Variants in KMT2C observed in about 807,000 individuals in gnomAD.
KMT2C encodes histone-lysine N-methyltransferase 2C.
A neutral mutation model predicts 507.9 loss-of-function variants in KMT2C; 88 were observed. The ratio of observed to expected loss-of-function variants is 0.17; its 90% CI spans 0.15 to 0.21. The LOEUF is 0.21. Among genes scored for constraint, KMT2C ranks in the 10% least tolerant of loss-of-function variants. The pLI, the probability that KMT2C is intolerant of heterozygous loss-of-function variation, is 1.00. For missense variants in KMT2C, 4,954 were observed against 5,957.8 expected (o/e 0.83, Z 5.55); for synonymous variants, 2,049 against 2,080.8 (o/e 0.98, Z 0.42).
rs1458048583 is a variant in KMT2C, at chr7:152,367,184, C to CA, written c.162-8510dup. 6.0e-6 allele frequency: 9 copies of CA among 1,488,686 alleles called. No homozygotes were observed. The African/African-American group carries it at 9.8e-5, about 16-fold the overall frequency. The allele number at this position is 1,488,686 out of a possible 1,614,324, so 92.2% of individuals were successfully genotyped here. ...ATTCTTCCAAGGATGGTCTCCCACT[C>CA]AGAGCTGAGGAAGCTTTTCTACTCA... On this transcript the variant is annotated intron_variant, in intron 1 of 58. Coordinates refer to ENST00000262189, the MANE Select transcript of KMT2C (RefSeq NM_170606.3).
At chr7:152,322,361 C>CA (rs1383212375) in intron 3 of KMT2C, among the ~76,000 whole-genome samples, 3 of 151,750 alleles carry the variant, frequency 2.0e-5, no homozygotes, top group South Asian at 4.1e-4. Context: ...CACCCTGGCT[C>CA]AAAAAACAAG....
intron 13 of KMT2C, among the ~76,000 whole-genome samples, 179 bp downstream of exon 13, chr7:152,249,697 A>C (rs2095533366): frequency 1.3e-5 from 2 of 150,014 alleles, no homozygotes; most frequent in Non-Finnish European, 3.0e-5. Flanking sequence ...AAAAAAAAAA[A>C]AACCTTTCAA....
In KMT2C at chr7:152,435,648, G is replaced by C; in HGVS notation, c.139C>G (p.Pro47Ala). Residue 47 changes from proline (P) to alanine (A), a missense_variant, in exon 1 of 59, where the codon CCT (proline) becomes GCT (alanine). This residue lies in a region of KMT2C where 233 missense variants were observed against 263.6 expected (regional missense o/e 0.88). Transcript: ENST00000262189. ...RGRPRKDGAS[P>A]FQRARKKPRS... ...TACTTCTTTCTGGCTCTCTGGAAAG[G>C]GGAAGCGCCATCTTTGCGAGGCCGG... 3 of 1,542,846 alleles carry C rather than the reference G, an allele frequency of 1.9e-6. No homozygotes were observed. Among genetic ancestry groups the C allele is most frequent in the East Asian group, 2.6e-5 (1 of 38,800 alleles).
chr7:152,230,624 T>C (rs1033018984), intron 16 of KMT2C, among the ~76,000 whole-genome samples: 2 of 152,186 alleles, frequency 1.3e-5, no homozygotes, highest in African/African-American at 2.4e-5. Context: ...AATGATAATA[T>C]ATGTATGTAC....
chr7:152,337,662 C>G (rs1589278757), intron 2 of KMT2C, among the ~76,000 whole-genome samples: 1 of 151,892 alleles, frequency 6.6e-6, no homozygotes, highest in Admixed American at 6.6e-5. Context: ...TTACTTTGCT[C>G]GTCATTTAAG....
intron 31 of KMT2C, among the ~76,000 whole-genome samples, chr7:152,189,244 T>A (rs1379662434): frequency 1.3e-5 from 2 of 152,198 alleles, no homozygotes; most frequent in African/African-American, 4.8e-5. Flanking sequence ...ACTGTCCATA[T>A]TGGAGCAGTT....
intron 1 of KMT2C, among the ~76,000 whole-genome samples, chr7:152,399,442 T>A (rs1047472294): frequency 8.6e-5 from 13 of 151,932 alleles, no homozygotes; most frequent in Non-Finnish European, 1.0e-4. Context: ...AACTGGAGTC[T>A]GGGAGAGAGG....
intron 1 of KMT2C, among the ~76,000 whole-genome samples, chr7:152,405,261 C>CTTTTTT (rs5888467): frequency 2.0e-5 from 3 of 151,978 alleles, no homozygotes; most frequent in African/African-American, 2.4e-5. Context: ...TTTAACTTCA[C>CTTTTTT]TTTTTTTTTT....
At chr7:152,323,701 G>A (rs1234237057) in intron 3 of KMT2C, among the ~76,000 whole-genome samples, 1 of 145,958 alleles carries the variant, frequency 6.9e-6, no homozygotes, top group African/African-American at 2.5e-5. Context: ...AAAGAAGGAA[G>A]GAAGGAAGGG....
intron 23 of KMT2C, chr7:152,220,165 C>G (rs963293483): frequency 8.9e-6 from 2 of 225,712 alleles, no homozygotes; most frequent in Non-Finnish European, 1.7e-5. Context: ...ATGTATGCAT[C>G]AACTACCTTA....
chr7:152,273,975 A>G (rs945656061), intron 6 of KMT2C, 108 bp from the exon 7 acceptor site: 1 of 1,003,514 alleles, frequency 1.0e-6, no homozygotes, highest in Non-Finnish European at 1.3e-6. Flanking sequence ...AGTAAAACAA[A>G]TTGAACCTGC....
chr7:152,226,039 T>C (rs981119598), intron 18 of KMT2C, among the ~76,000 whole-genome samples: 52 of 152,002 alleles, frequency 3.4e-4, no homozygotes, highest in Non-Finnish European at 4.9e-4. Context: ...AAGACCTAAA[T>C]CAGAATTTAT....
chr7:152,296,155 G>T (rs184887118), intron 6 of KMT2C, among the ~76,000 whole-genome samples: 2 of 151,768 alleles, frequency 1.3e-5, no homozygotes, highest in African/African-American at 4.8e-5. Context: ...GGGGCAGGGC[G>T]TGGTGGCTCA....
At chr7:152,288,412 T>A (rs2096346596) in intron 6 of KMT2C, among the ~76,000 whole-genome samples, 1 of 151,898 alleles carries the variant, frequency 6.6e-6, no homozygotes, top group African/African-American at 2.4e-5. Flanking sequence ...CACACACCTA[T>A]AATTCCAGCG....
intron 6 of KMT2C, among the ~76,000 whole-genome samples, chr7:152,299,550 G>A (rs759308856): frequency 3.3e-5 from 5 of 151,822 alleles, no homozygotes; most frequent in Non-Finnish European, 5.9e-5. Flanking sequence ...ACTATTGGGA[G>A]GCTGAGGTAG....
chr7:152,140,265 G>A (rs984402221), intron 55 of KMT2C, among the ~76,000 whole-genome samples: 1 of 152,186 alleles, frequency 6.6e-6, no homozygotes, highest in African/African-American at 2.4e-5. Flanking sequence ...TTTCCCAGCA[G>A]CCAGGGCAAA....
chr7:152,330,618 A>C lies in KMT2C; in HGVS notation c.372T>G (p.Gly124=), dbSNP rs1016157370. The change falls in exon 3 of 59, where the codon GGT becomes GGG. Residue 124 remains glycine (G), a synonymous_variant. Coordinates refer to ENST00000262189, the MANE Select transcript of KMT2C (RefSeq NM_170606.3). ...TCTCTAACCTGATTTTGGCTTCTAC[A>C]CCAACAGAGACCAGGGAGTTTGCCG... ...EESANSLVSV[G]VEAKISEQLC... is the part of the protein sequence containing the mutation. 2.5e-6 allele frequency: 4 copies of C among 1,614,156 alleles called. No individual in the cohort carries two copies. The highest frequency in any genetic ancestry group is 1.7e-6 in the Non-Finnish European group (2 of 1,179,998).
At chr7:152,252,152 G>A (rs1203240083) in intron 10 of KMT2C, 62 bp from the exon 11 acceptor site, 3 of 1,219,032 alleles carry the variant, frequency 2.5e-6, no homozygotes, top group East Asian at 2.4e-5. Context: ...TAGGTAAAGA[G>A]AAGGCATTGC....
At position 152,366,180 on chromosome 7, in the gene KMT2C, C is replaced by G. The variant is rs116405805; in HGVS notation, c.162-7505G>C. Among the ~76,000 whole-genome samples the G allele has an allele frequency of 4.3e-3, 654 of 152,128 alleles. 4 individuals are homozygous for G. Among genetic ancestry groups the G allele is most frequent in the African/African-American group, 0.015 (621 of 41,496 alleles). Reference sequence around the variant, plus strand: ...ATGATATGGGCCCTGGAAAACAGTACGGCAGTTTCTCAAGCAGTTAAAAAT... The same window carrying G: ...ATGATATGGGCCCTGGAAAACAGTAGGGCAGTTTCTCAAGCAGTTAAAAAT... On this transcript the variant is annotated intron_variant, in intron 1 of 58. Coordinates refer to ENST00000262189, the MANE Select transcript of KMT2C (RefSeq NM_170606.3).
Sources: allele counts gnomAD v4.1 joint callset (sites outside exome capture counted in the v4.1 genomes callset), GRCh38; gene constraint gnomAD v4.1.1; regional missense constraint gnomAD v4.1.1; transcripts MANE v1.5; gene names NCBI Gene and HGNC (gene_info 2026-07-23, HGNC 2026-07-21).